PATJ: variants seen among roughly 807,000 people sequenced by gnomAD.
The protein encoded by PATJ is inaD-like protein.
In PATJ, 190 loss-of-function variants were observed where a neutral mutation model predicts 224.9. The ratio of observed to expected loss-of-function variants is 0.84; its 90% confidence interval spans 0.75 to 0.95. The LOEUF is 0.95. Among genes scored for constraint, PATJ ranks in the 40% least tolerant of loss-of-function variants. The probability of loss-of-function intolerance (pLI) is 0.00; values close to 1 mark genes in which losing one functional copy is unlikely to be tolerated. For synonymous variants in PATJ, 769 were observed against 820.3 expected, an observed-to-expected ratio of 0.94 and a Z score of 1.07; for missense variants, 2,121 against 2,270.3, an observed-to-expected ratio of 0.93 and a Z score of 1.34.
At chr1:61,788,844 T>G (rs1649158011) in intron 8 of PATJ, among the ~76,000 whole-genome samples, 1 of 152,074 alleles carries the variant, frequency 6.6e-6, no homozygotes, top group South Asian at 2.1e-4. Flanking sequence ...CTGGCTAATT[T>G]TGTATTTTTA....
intron 14 of PATJ, among the ~76,000 whole-genome samples, chr1:61,821,749 A>G (rs963876582): frequency 6.6e-6 from 1 of 152,166 alleles, no homozygotes; most frequent in Non-Finnish European, 1.5e-5. Context: ...TTTTTTAGGT[A>G]TCAGACTATT....
intron 9 of PATJ, 80 bp downstream of exon 9, chr1:61,791,527 A>G: frequency 1.2e-6 from 1 of 851,064 alleles, no homozygotes. Flanking sequence ...AAATACTTGC[A>G]GATTTTAATT....
intron 29 of PATJ, among the ~76,000 whole-genome samples, chr1:62,027,037 A>G (rs1036314110): frequency 2.0e-5 from 3 of 152,200 alleles, no homozygotes; most frequent in African/African-American, 7.2e-5. Context: ...GTACATTCAC[A>G]CTGTTGGGCA....
intron 29 of PATJ, among the ~76,000 whole-genome samples, chr1:62,027,185 C>T (rs1261122456): frequency 6.6e-6 from 1 of 152,246 alleles, no homozygotes; most frequent in African/African-American, 2.4e-5. Context: ...CTGAATTTGA[C>T]TGCCGTAGGT....
At chr1:61,972,973 A>T (rs1346024669) in intron 27 of PATJ, among the ~76,000 whole-genome samples, 1 of 152,022 alleles carries the variant, frequency 6.6e-6, no homozygotes, top group Non-Finnish European at 1.5e-5. Flanking sequence ...TAATGATGAA[A>T]CATTTGGATT....
intron 33 of PATJ, among the ~76,000 whole-genome samples, chr1:62,107,481 C>T (rs1437840117): frequency 1.3e-5 from 2 of 152,132 alleles, no homozygotes; most frequent in African/African-American, 4.8e-5. Context: ...AGCTTGACTA[C>T]TTGCTCAACA....
At chr1:61,757,080 C>CTTTTTTTT (rs55788991) in intron 1 of PATJ, among the ~76,000 whole-genome samples, 17 of 129,142 alleles carry the variant, frequency 1.3e-4, no homozygotes, top group Admixed American at 2.5e-4. Flanking sequence ...GTCACTTTTA[C>CTTTTTTTT]TTTTTTTTTT....
At chr1:61,838,158 T>A (rs2148818096) in intron 17 of PATJ, among the ~76,000 whole-genome samples, 1 of 152,284 alleles carries the variant, frequency 6.6e-6, no homozygotes, top group South Asian at 2.1e-4. Flanking sequence ...GGCTATTATT[T>A]GAACAGAGGT....
intron 41 of PATJ, among the ~76,000 whole-genome samples, chr1:62,148,037 CT>C (rs1304617359): frequency 2.0e-5 from 3 of 147,042 alleles, no homozygotes; most frequent in Admixed American, 7.2e-5. Flanking sequence ...GGGAGGACTG[CT>C]TGAGCCTGGG....
In PATJ at chr1:62,121,276, T is replaced by C. The variant is rs746584689; in HGVS notation, c.4986T>C (p.Asp1662=). The part of the protein sequence containing the change: ...QNLVGTKRVS[D]PSQKNSGTDM... Reference sequence around the variant, plus strand: ...TGGTTGGCACAAAAAGAGTTTCAGATCCTTCCCAGAAAAATTCAGGTATTA... The same window carrying C: ...TGGTTGGCACAAAAAGAGTTTCAGACCCTTCCCAGAAAAATTCAGGTATTA... The change falls in exon 38 of 44, where the codon GAT becomes GAC. Residue 1662 remains aspartate, a synonymous_variant. Coordinates refer to ENST00000642238, the MANE Select transcript of PATJ (RefSeq NM_001350145.3). 6.2e-6 allele frequency: 10 copies of C among 1,612,642 alleles called. No homozygotes were observed. The East Asian group carries it at 2.2e-4, about 36-fold the overall frequency.
chr1:61,805,604 G>A (rs189656721), intron 13 of PATJ, 80 bp downstream of exon 13: 2 of 857,828 alleles, frequency 2.3e-6, no homozygotes. Context: ...AAAGAAATGG[G>A]TGAGTCAAAG....
intron 41 of PATJ, among the ~76,000 whole-genome samples, chr1:62,131,973 C>T (rs1570735622): frequency 1.3e-5 from 2 of 151,876 alleles, no homozygotes; most frequent in Non-Finnish European, 2.9e-5. Flanking sequence ...CTCAGCCTCC[C>T]AAGTAGCTGG....
At chr1:61,950,205 A>G (rs1679434538) in intron 27 of PATJ, among the ~76,000 whole-genome samples, 1 of 152,246 alleles carries the variant, frequency 6.6e-6, no homozygotes, top group African/African-American at 2.4e-5. Context: ...CTCCACCTAA[A>G]AAATAAATAA....
Position 62,162,937 on chromosome 1 carries a change from ACT to A in PATJ, c.*1886_*1887del, listed in dbSNP as rs780124781. The A allele has an allele frequency of 3.0e-5, 12 of 405,076 alleles. No homozygotes were observed. Among genetic ancestry groups the A allele is most frequent in the Middle Eastern group, 5.5e-4 (1 of 1,806 alleles). The allele number at this position is 405,076 out of a possible 1,614,324, so 25.1% of individuals were successfully genotyped here. A position where few individuals can be genotyped will look rare whatever the true frequency, so the allele number is the denominator to read the frequency against. On this transcript the variant is annotated 3_prime_UTR_variant, in exon 44 of 44. Transcript: ENST00000642238. ...ACTCCAGCCTGGGTGACAGAGCAAG[ACT>A]CTGTCTCGAAAAAGAAAAAAAACCA...
At chr1:62,047,225 C>T (rs1483213687) in intron 30 of PATJ, among the ~76,000 whole-genome samples, 1 of 152,208 alleles carries the variant, frequency 6.6e-6, no homozygotes, top group African/African-American at 2.4e-5. Context: ...TGGGTTCGTT[C>T]TACAGTCTAA....
chr1:61,834,252 T>C (rs1346704542), intron 17 of PATJ, among the ~76,000 whole-genome samples: 1 of 152,212 alleles, frequency 6.6e-6, no homozygotes, highest in Non-Finnish European at 1.5e-5. Flanking sequence ...ATTCATACTC[T>C]CCTCTCCCTC....
intron 30 of PATJ, chr1:62,038,803 C>T (rs186353794): frequency 1.3e-4 from 82 of 611,314 alleles, no homozygotes; most frequent in Middle Eastern, 4.9e-4. Flanking sequence ...TCTTTCAACA[C>T]GTGTTCAGGG....
intron 32 of PATJ, among the ~76,000 whole-genome samples, chr1:62,082,736 A>C (rs918171996): frequency 1.3e-5 from 2 of 152,100 alleles, no homozygotes; most frequent in Non-Finnish European, 2.9e-5. Context: ...ATAGACACTG[A>C]GATTTAGACT....
At chr1:61,850,675 A>C (rs1404835684) in intron 17 of PATJ, among the ~76,000 whole-genome samples, 1 of 152,256 alleles carries the variant, frequency 6.6e-6, no homozygotes, top group Non-Finnish European at 1.5e-5. Flanking sequence ...AGTGTGGCTA[A>C]AAGCACAAAC....
Sources: gnomAD v4.1 joint callset for allele counts (sites outside exome capture counted in the v4.1 genomes callset) on GRCh38, gnomAD v4.1.1 for gene constraint, MANE v1.5 for transcripts, NCBI Gene and HGNC (gene_info 2026-07-23, HGNC 2026-07-21) for gene names.